The following JMY variants were observed in gnomAD, a reference collection of about 807,000 sequenced individuals.
JMY encodes the protein junction mediating and regulatory protein, p53 cofactor.
A neutral mutation model predicts 103.3 loss-of-function variants in JMY; 46 were observed. The observed-to-expected ratio is 0.45, with a 90% confidence interval of 0.35 to 0.57. The LOEUF is 0.57. Ranked by LOEUF, JMY falls within the 20% of genes least tolerant of loss-of-function variation. The probability of loss-of-function intolerance (pLI) is 0.00; values close to 1 mark genes in which losing one functional copy is unlikely to be tolerated. For missense variants in JMY, 1,238 were observed against 1,255.2 expected, an observed-to-expected ratio of 0.99 and a Z score of 0.21; for synonymous variants, 526 against 489.3, an observed-to-expected ratio of 1.07 and a Z score of -0.99.
At chr5:79,272,918 G>A (rs1223630303) in intron 1 of JMY, among the ~76,000 whole-genome samples, 5 of 152,188 alleles carry the variant, frequency 3.3e-5, no homozygotes, top group African/African-American at 4.8e-5. Context: ...TTACAGGCAC[G>A]AGCCACTGCA....
In JMY at chr5:79,237,701, A is replaced by G. The variant is rs762525061; in HGVS notation, c.1032+19A>G. 6.3e-7 allele frequency: 1 copy of G among 1,597,546 alleles called. No individual in the cohort carries two copies. Among genetic ancestry groups the G allele is most frequent in the East Asian group, 2.2e-5 (1 of 44,676 alleles). On this transcript the variant is annotated intron_variant, in intron 1 of 10. Transcript: ENST00000396137. ...CCAGGAGGTGAGTGAGTGAGCTCCT[A>G]GTCTGGGCTCTACTGGTCGCTTTTG...
At chr5:79,290,820 T>C (rs1746396566) in intron 3 of JMY, among the ~76,000 whole-genome samples, 1 of 152,024 alleles carries the variant, frequency 6.6e-6, no homozygotes, top group Non-Finnish European at 1.5e-5. Flanking sequence ...ACCCCATCTC[T>C]ACTAAAAATA....
chr5:79,291,079 C>T (rs1382416495), intron 3 of JMY, 51 bp from the exon 4 acceptor site: 6 of 1,254,062 alleles, frequency 4.8e-6, no homozygotes, highest in Non-Finnish European at 6.5e-6. Flanking sequence ...TCAAATGCTT[C>T]AGTATTAAGT....
At chr5:79,306,908 TC>T (rs1746900851) in intron 7 of JMY, among the ~76,000 whole-genome samples, 1 of 152,198 alleles carries the variant, frequency 6.6e-6, no homozygotes, top group African/African-American at 2.4e-5. Flanking sequence ...ATCCCTTTGT[TC>T]CGCTACTCAT....
At chr5:79,281,935 G>C (rs1383862425) in intron 2 of JMY, among the ~76,000 whole-genome samples, 1 of 152,216 alleles carries the variant, frequency 6.6e-6, no homozygotes, top group Non-Finnish European at 1.5e-5. Context: ...GCCAGGTGTA[G>C]TGGCTCATGC....
At chr5:79,249,768 A>G (rs1030310082) in intron 1 of JMY, among the ~76,000 whole-genome samples, 2 of 152,150 alleles carry the variant, frequency 1.3e-5, no homozygotes, top group African/African-American at 4.8e-5. Context: ...TCGTATTTTC[A>G]GTCTCCCTTG....
Position 79,284,699 on chromosome 5 carries a change from A to T in JMY, c.1207-5422A>T, listed in dbSNP as rs1052368639. On this transcript the variant is annotated intron_variant, in intron 2 of 10. Coordinates refer to ENST00000396137, the MANE Select transcript of JMY (RefSeq NM_152405.5). ...CTAAGTGCAACTTCATCATTCTGCA[A>T]ATCAGCAAGACTCACTTCAAACACA... 6 of 1,592,478 alleles carry T rather than the reference A, an allele frequency of 3.8e-6. No individual in the cohort carries two copies. The African/African-American group carries it at 4.0e-5, about 11-fold the overall frequency.
intron 1 of JMY, among the ~76,000 whole-genome samples, chr5:79,238,166 T>G (rs550383054): frequency 1.4e-4 from 21 of 152,300 alleles, no homozygotes; most frequent in African/African-American, 4.8e-4. Flanking sequence ...AATTCATTTT[T>G]AAACGAGTGA....
chr5:79,326,851 T>C lies in JMY; in HGVS notation c.*5249T>C, dbSNP rs1278101745. On this transcript the variant is annotated 3_prime_UTR_variant, in exon 11 of 11. Coordinates refer to ENST00000396137, the MANE Select transcript of JMY (RefSeq NM_152405.5). ...GTACCATTACATTAAATGGACAGTGTGCACAGTGTATTGTAAATGCCAACT... is the reference window on the plus strand; with the variant it reads ...GTACCATTACATTAAATGGACAGTGCGCACAGTGTATTGTAAATGCCAACT... The C allele has an allele frequency of 6.6e-6, 1 of 152,218 alleles. No individual in the cohort carries two copies. The highest frequency in any genetic ancestry group is 6.5e-5 in the Admixed American group (1 of 15,272). The allele number at this position is 152,218 out of a possible 1,614,324, so 9.4% of individuals were successfully genotyped here.
At chr5:79,304,276 A>G (rs920749149) in intron 6 of JMY, among the ~76,000 whole-genome samples, 3 of 152,158 alleles carry the variant, frequency 2.0e-5, no homozygotes, top group Non-Finnish European at 2.9e-5. Context: ...AAGTCCTAAA[A>G]AGAAAAGCTA....
intron 7 of JMY, among the ~76,000 whole-genome samples, chr5:79,308,311 T>C (rs1317080902): frequency 6.6e-6 from 1 of 152,206 alleles, no homozygotes; most frequent in African/African-American, 2.4e-5. Context: ...TCAGCTAGAT[T>C]TGCTCCTATG....
chr5:79,251,915 C>G (rs925407347), intron 1 of JMY, among the ~76,000 whole-genome samples: 4 of 152,156 alleles, frequency 2.6e-5, no homozygotes, highest in Non-Finnish European at 4.4e-5. Context: ...GCTGGGATTA[C>G]AGGCATGTGC....
At chr5:79,247,167 G>T (rs577796609) in intron 1 of JMY, among the ~76,000 whole-genome samples, 55 of 152,176 alleles carry the variant, frequency 3.6e-4, no homozygotes, top group Non-Finnish European at 3.8e-4. Flanking sequence ...TATATGTTCA[G>T]TGTCTCAACA....
intron 1 of JMY, among the ~76,000 whole-genome samples, 159 bp from the exon 2 acceptor site, chr5:79,277,751 G>C (rs2112084850): frequency 6.6e-6 from 1 of 152,284 alleles, no homozygotes; most frequent in Non-Finnish European, 1.5e-5. Context: ...GACACCAGAA[G>C]TATGGAGATA....
rs1190055072 is a variant in JMY at position 79,324,008 on chromosome 5, A to G, written c.*2406A>G. 2 of 152,122 alleles carry G rather than the reference A, an allele frequency of 1.3e-5. No individual in the cohort carries two copies. The highest frequency in any genetic ancestry group is 2.9e-5 in the Non-Finnish European group (2 of 68,024). The allele number at this position is 152,122 out of a possible 1,614,324, so 9.4% of individuals were successfully genotyped here. A position where few individuals can be genotyped will look rare whatever the true frequency, so the allele number is the denominator to read the frequency against. ...CCTCTTGTAAATAACTTTCCAACAC[A>G]CCCATTTCCTTGCCTTAAGGTGCAG... On this transcript the variant is annotated 3_prime_UTR_variant, in exon 11 of 11. Coordinates refer to ENST00000396137, the MANE Select transcript of JMY (RefSeq NM_152405.5).
intron 2 of JMY, among the ~76,000 whole-genome samples, chr5:79,279,403 G>A (rs970800586): frequency 6.6e-6 from 1 of 152,082 alleles, no homozygotes; most frequent in Admixed American, 6.5e-5. Flanking sequence ...GCATTTAAGG[G>A]TTTGATTTTA....
At chr5:79,275,990 T>C (rs1049082381) in intron 1 of JMY, among the ~76,000 whole-genome samples, 2 of 152,302 alleles carry the variant, frequency 1.3e-5, no homozygotes, top group East Asian at 1.9e-4. Context: ...GTGGAAACTA[T>C]AGGTATGAAA....
rs781611052 is a variant in JMY at position 79,290,152 on chromosome 5, G to A, written c.1238G>A (p.Arg413Gln). ...ISMENDYLGPRRIESLQKEDA... is the reference protein window; with the variant it reads ...ISMENDYLGPQRIESLQKEDA... ...ATGGAGAATGATTATCTGGGACCTC[G>A]AAGAATTGAGAGTCTACAAAAAGAA... The change falls in exon 3 of 11, where the codon CGA (arginine) becomes CAA (glutamine). Residue 413 changes from arginine (R) to glutamine (Q), a missense_variant. Physicochemically the swap from Arg to Gln is conservative, Grantham distance 43. Coordinates refer to ENST00000396137, the MANE Select transcript of JMY (RefSeq NM_152405.5). 18 of 1,591,566 alleles carry A rather than the reference G, an allele frequency of 1.1e-5. No individual in the cohort carries two copies. The highest frequency in any genetic ancestry group is 4.5e-5 in the East Asian group (2 of 44,140).
At chr5:79,279,740 G>C (rs1158949538) in intron 2 of JMY, among the ~76,000 whole-genome samples, 1 of 152,166 alleles carries the variant, frequency 6.6e-6, no homozygotes, top group East Asian at 1.9e-4. Flanking sequence ...TTGAGGGGGG[G>C]ATTTGTTTTG....
Sources: allele counts gnomAD v4.1 joint callset (sites outside exome capture counted in the v4.1 genomes callset), GRCh38; gene constraint gnomAD v4.1.1; transcripts MANE v1.5; gene names NCBI Gene and HGNC (gene_info 2026-07-23, HGNC 2026-07-21).